FAT3: variants seen among roughly 807,000 people sequenced by gnomAD.
The protein encoded by FAT3 is protocadherin Fat 3.
FAT3 carries 95 observed loss-of-function variants against 310.2 expected under a neutral mutation model. The ratio of observed to expected loss-of-function variants is 0.31; its 90% CI spans 0.26 to 0.36. FAT3 has a LOEUF of 0.36. Ranked by LOEUF, FAT3 falls within the 10% of genes least tolerant of loss-of-function variation. The pLI, the probability that FAT3 is intolerant of heterozygous loss-of-function variation, is 1.00. For synonymous variants in FAT3, 2,314 were observed against 2,192.9 expected (o/e 1.06, Z -1.54); for missense variants, 5,408 against 5,715.6 (o/e 0.95, Z 1.74).
chr11:92,258,165 C>G lies in FAT3; in HGVS notation c.-18+32991C>G, dbSNP rs1865387794. ...ACTTGGCTCTGTATATAAATATACT[C>G]CAGTAGAGAGACCCAGCCTCTGTGA... On this transcript the variant is annotated intron_variant, in intron 1 of 27. Transcript: ENST00000525166. 2.0e-5 allele frequency among the ~76,000 whole-genome samples: 3 copies of G among 152,034 alleles called. No homozygotes were observed. In the South Asian group the frequency reaches 6.2e-4, roughly 31 times the overall value.
intron 2 of FAT3, among the ~76,000 whole-genome samples, chr11:92,471,765 C>T (rs1327759603): frequency 6.6e-6 from 1 of 151,894 alleles, no homozygotes; most frequent in Non-Finnish European, 1.5e-5. Context: ...AAAAGTCCAT[C>T]TCTGAAAATA....
intron 20 of FAT3, among the ~76,000 whole-genome samples, chr11:92,858,253 A>C (rs551378443): frequency 6.6e-5 from 10 of 152,320 alleles, no homozygotes; most frequent in African/African-American, 2.4e-4. Context: ...TAAAGGGACC[A>C]CCTGGATGCT....
At chr11:92,574,556 T>C (rs1054414062) in intron 3 of FAT3, among the ~76,000 whole-genome samples, 1 of 152,128 alleles carries the variant, frequency 6.6e-6, no homozygotes, top group Non-Finnish European at 1.5e-5. Context: ...CCAGTCCCCA[T>C]AACAGGGGGA....
intron 3 of FAT3, among the ~76,000 whole-genome samples, chr11:92,609,531 C>T (rs1555099489): frequency 6.6e-6 from 1 of 152,062 alleles, no homozygotes; most frequent in Non-Finnish European, 1.5e-5. Flanking sequence ...AACAAGTATA[C>T]CAAAAGCTCA....
intron 7 of FAT3, among the ~76,000 whole-genome samples, chr11:92,787,269 AT>A (rs939820579): frequency 4.0e-5 from 6 of 151,882 alleles, no homozygotes; most frequent in African/African-American, 1.2e-4. Flanking sequence ...AACCATACAT[AT>A]TTTTAAAGTT....
intron 1 of FAT3, among the ~76,000 whole-genome samples, chr11:92,281,129 A>G (rs188331018): frequency 1.7e-4 from 26 of 152,248 alleles, no homozygotes; most frequent in Admixed American, 1.6e-3. Context: ...ATTGTCAAAA[A>G]TTTTTTGATA....
In FAT3 at chr11:92,831,774, C is replaced by A. The variant is rs1312478606; in HGVS notation, c.9634C>A (p.Pro3212Thr). 6.2e-7 allele frequency: 1 copy of A among 1,613,462 alleles called. No homozygotes were observed. The highest frequency in any genetic ancestry group is 8.5e-7 in the Non-Finnish European group (1 of 1,179,792). ...CAGCGTGCGGGCCACTGACCAGAGT[C>A]CTGGACAGTCCCTGTCCTCTCTCAC... ...NISVRATDQS[P>T]GQSLSSLTTV... Residue 3212 changes from proline (P) to threonine (T), a missense_variant, in exon 14 of 28, where the codon CCT becomes ACT. Pro to Thr is a conservative substitution (Grantham distance 38, BLOSUM62 -1). Coordinates refer to ENST00000525166, the MANE Select transcript of FAT3 (RefSeq NM_001367949.2).
chr11:92,478,143 T>C (rs751562982), intron 2 of FAT3, among the ~76,000 whole-genome samples: 62 of 152,340 alleles, frequency 4.1e-4, no homozygotes, highest in Middle Eastern at 3.4e-3. Context: ...AATGTTTTCC[T>C]AGGCCTTGAA....
At chr11:92,350,596 G>T (rs1240451641) in intron 1 of FAT3, among the ~76,000 whole-genome samples, 1 of 152,082 alleles carries the variant, frequency 6.6e-6, no homozygotes, top group African/African-American at 2.4e-5. Context: ...ATGGATTTTA[G>T]AGAAAGATTA....
At chr11:92,491,056 A>G (rs1952584463) in intron 2 of FAT3, among the ~76,000 whole-genome samples, 1 of 152,064 alleles carries the variant, frequency 6.6e-6, no homozygotes, top group African/African-American at 2.4e-5. Flanking sequence ...CTAGAGGACC[A>G]TTATTGAAAT....
intron 1 of FAT3, chr11:92,336,011 TGAGCTCC>T: frequency 2.1e-6 from 1 of 474,328 alleles, no homozygotes; most frequent in Middle Eastern, 6.1e-4. Context: ...TGGTGCTTCT[TGAGCTCC>T]ACTCAGCAAC....
At chr11:92,803,665 C>T (rs902773832) in intron 10 of FAT3, among the ~76,000 whole-genome samples, 3 of 152,178 alleles carry the variant, frequency 2.0e-5, no homozygotes, top group African/African-American at 7.2e-5. Context: ...GTGGCAGCAT[C>T]CCTGGCCTCT....
chr11:92,404,873 C>T (rs1473495415), intron 2 of FAT3, among the ~76,000 whole-genome samples: 1 of 152,004 alleles, frequency 6.6e-6, no homozygotes, highest in Non-Finnish European at 1.5e-5. Flanking sequence ...TCTATCTTCT[C>T]CTACCCTTAA....
intron 2 of FAT3, among the ~76,000 whole-genome samples, chr11:92,508,437 C>G (rs182883046): frequency 1.3e-5 from 2 of 151,918 alleles, no homozygotes; most frequent in East Asian, 3.9e-4. Context: ...GCTTTACTTA[C>G]GTTTTTCAGA....
chr11:92,352,832 G>C lies in FAT3; in HGVS notation c.720G>C (p.Leu240=), dbSNP rs183973334. 6.2e-7 allele frequency: 1 copy of C among 1,613,960 alleles called. No individual in the cohort carries two copies. Among genetic ancestry groups the C allele is most frequent in the South Asian group, 1.1e-5 (1 of 91,084 alleles). ...EILAVDRGMK[L]YGNNGVSSTA... is the part of the protein sequence containing the mutation. ...TGGCTGTGGACCGGGGAATGAAACT[G>C]TATGGGAACAATGGAGTGAGCAGTA... Residue 240 remains leucine (L), a synonymous_variant, in exon 2 of 28, where the codon CTG becomes CTC. Transcript: ENST00000525166.
chr11:92,704,910 C>T (rs1186268747), intron 4 of FAT3, among the ~76,000 whole-genome samples: 1 of 152,150 alleles, frequency 6.6e-6, no homozygotes, highest in African/African-American at 2.4e-5. Context: ...GCAGCAACTA[C>T]AATACAGTAG....
chr11:92,491,816 A>G (rs185399534), intron 2 of FAT3, among the ~76,000 whole-genome samples: 8 of 152,148 alleles, frequency 5.3e-5, no homozygotes, highest in East Asian at 3.9e-4. Context: ...CTCTTGATCG[A>G]TGATACAGGT....
At chr11:92,669,616 G>A (rs1327349060) in intron 3 of FAT3, among the ~76,000 whole-genome samples, 1 of 152,192 alleles carries the variant, frequency 6.6e-6, no homozygotes, top group African/African-American at 2.4e-5. Context: ...TGAACAAAAA[G>A]CCAGTTTTTG....
At chr11:92,443,737 C>T (rs976127791) in intron 2 of FAT3, among the ~76,000 whole-genome samples, 4 of 151,916 alleles carry the variant, frequency 2.6e-5, no homozygotes, top group African/African-American at 4.8e-5. Flanking sequence ...ATCATTTGTT[C>T]TGAAGTGTCA....
Sources: gnomAD v4.1 joint callset for allele counts (sites outside exome capture counted in the v4.1 genomes callset) on GRCh38, gnomAD v4.1.1 for gene constraint, MANE v1.5 for transcripts, NCBI Gene and HGNC (gene_info 2026-07-23, HGNC 2026-07-21) for gene names.